The following UBE2W variants were observed in gnomAD, a reference collection of about 807,000 sequenced individuals.
UBE2W encodes the protein ubiquitin conjugating enzyme E2 W.
UBE2W carries 18 observed loss-of-function variants against 27.2 expected under a neutral mutation model. The ratio of observed to expected loss-of-function variants is 0.66; its 90% CI spans 0.46 to 0.98. The LOEUF (loss-of-function observed/expected upper bound fraction) is 0.98, where lower values mean the gene tolerates loss of function less well. Among genes scored for constraint, UBE2W ranks in the 50% least tolerant of loss-of-function variants. UBE2W has a pLI of 0.00. For synonymous variants in UBE2W, 53 were observed against 57.2 expected (o/e 0.93, Z 0.33); for missense variants, 90 against 180.2 (o/e 0.50, Z 2.87).
chr8:73,805,472 C>CAAAAAAAAAAACAAAAACAAAAAAAA lies in UBE2W; in HGVS notation c.442+178_442+179insTTTTTTTTGTTTTTGTTTTTTTTTTT. ...TCCATCTCAAAAAAAAAAAAAAAAACAAAAAAAACTAGGGTAATTCATCCA... is the reference window on the plus strand; with the variant it reads ...TCCATCTCAAAAAAAAAAAAAAAAACAAAAAAAAAAACAAAAACAAAAAAAAAAAAAAAACTAGGGTAATTCATCCA... On this transcript the variant is annotated intron_variant, in intron 5 of 5. Coordinates refer to ENST00000602593, the MANE Select transcript of UBE2W (RefSeq NM_018299.6). Among the ~76,000 whole-genome samples, 12 of 43,676 alleles carry CAAAAAAAAAAACAAAAACAAAAAAAA rather than the reference C, an allele frequency of 2.7e-4. 1 individual carries two copies. Among genetic ancestry groups the CAAAAAAAAAAACAAAAACAAAAAAAA allele is most frequent in the Non-Finnish European group, 5.5e-4 (11 of 20,124 alleles). The allele number at this position is 43,676 out of a possible 152,430, so 28.7% of individuals were successfully genotyped here. A position where few individuals can be genotyped will look rare whatever the true frequency, so the allele number is the denominator to read the frequency against.
At chr8:73,783,201 A>G (rs2130825807), downstream of UBE2W, among the ~76,000 whole-genome samples, 1 of 152,246 alleles carries the variant, frequency 6.6e-6, no homozygotes, top group Admixed American at 6.5e-5. Context: ...TCTTGTTTTC[A>G]TAGTTTGTCT....
intron 1 of UBE2W, among the ~76,000 whole-genome samples, chr8:73,851,200 T>C (rs1176617201): frequency 6.6e-6 from 1 of 151,944 alleles, no homozygotes; most frequent in Non-Finnish European, 1.5e-5. Context: ...TTATCTTTTT[T>C]TTTTTTTGAC....
At chr8:73,849,579 T>C (rs1373015809) in intron 1 of UBE2W, among the ~76,000 whole-genome samples, 1 of 60,270 alleles carries the variant, frequency 1.7e-5, no homozygotes, top group Non-Finnish European at 3.6e-5. Context: ...GTATGAAAAA[T>C]AGAATAAGAA....
rs115619025 is a variant in UBE2W, at chr8:73,878,411, C to A, written c.15+397G>T. Among the ~76,000 whole-genome samples, 1,167 of 152,352 alleles carry A rather than the reference C, an allele frequency of 7.7e-3. 20 individuals are homozygous for A. The highest frequency in any genetic ancestry group is 0.026 in the African/African-American group (1,092 of 41,580). On this transcript the variant is annotated intron_variant, in intron 1 of 5. Coordinates refer to ENST00000602593, the MANE Select transcript of UBE2W (RefSeq NM_018299.6). Reference sequence around the variant, plus strand: ...CCCGCCGCCCCTGCCCCGGCAACAACCGCGGGCGCAGCTGTTTCCGTCGGG... The same window carrying A: ...CCCGCCGCCCCTGCCCCGGCAACAAACGCGGGCGCAGCTGTTTCCGTCGGG...
Position 73,788,347 on chromosome 8 carries a change from C to G in UBE2W, c.*5755G>C. 1.0e-6 allele frequency: 1 copy of G among 985,378 alleles called. No homozygotes were observed. Among genetic ancestry groups the G allele is most frequent in the Non-Finnish European group, 1.2e-6 (1 of 829,914 alleles). The allele number at this position is 985,378 out of a possible 1,614,324, so 61.0% of individuals were successfully genotyped here. ...CCCTATTCAAATCCTCAAGCATGAGCTTTCATTCCTATTAATAAAATGCAC... is the reference window on the plus strand; with the variant it reads ...CCCTATTCAAATCCTCAAGCATGAGGTTTCATTCCTATTAATAAAATGCAC... On this transcript the variant is annotated 3_prime_UTR_variant, in exon 6 of 6. Coordinates refer to ENST00000602593, the MANE Select transcript of UBE2W (RefSeq NM_018299.6).
chr8:73,872,104 T>C (rs1812029723), intron 1 of UBE2W, among the ~76,000 whole-genome samples: 1 of 152,170 alleles, frequency 6.6e-6, no homozygotes. Context: ...AAACTCTCCT[T>C]GATAATGAAG....
intron 5 of UBE2W, among the ~76,000 whole-genome samples, 193 bp downstream of exon 5, chr8:73,805,458 A>AAAAAAACAAAAAAC (rs1808840589): frequency 7.5e-6 from 1 of 133,180 alleles, no homozygotes; most frequent in Non-Finnish European, 1.6e-5. Context: ...CCATCTCAAA[A>AAAAAAACAAAAAAC]AAAAAAAAAA....
At chr8:73,870,744 G>A (rs1811969872) in intron 1 of UBE2W, among the ~76,000 whole-genome samples, 1 of 151,076 alleles carries the variant, frequency 6.6e-6, no homozygotes, top group Admixed American at 6.6e-5. Flanking sequence ...TATTAGCGCT[G>A]GGATGGGAGA....
chr8:73,839,162 T>G (rs923579237), intron 1 of UBE2W, among the ~76,000 whole-genome samples: 1 of 152,118 alleles, frequency 6.6e-6, no homozygotes, highest in African/African-American at 2.4e-5. Context: ...ATGCCCATAT[T>G]TACATATTAG....
chr8:73,837,662 T>A (rs1810364403), intron 1 of UBE2W, among the ~76,000 whole-genome samples: 1 of 152,346 alleles, frequency 6.6e-6, no homozygotes, highest in African/African-American at 2.4e-5. Context: ...CTGTGCTGCC[T>A]GGCCTGGTCT....
Position 73,791,972 on chromosome 8 carries a change from A to T in UBE2W, c.*2130T>A. 1 of 985,286 alleles carries T rather than the reference A, an allele frequency of 1.0e-6. No individual in the cohort carries two copies. Among genetic ancestry groups the T allele is most frequent in the Non-Finnish European group, 1.2e-6 (1 of 829,802 alleles). 61.0% of individuals were successfully genotyped at this position (985,286 alleles called of 1,614,324 possible). A position where few individuals can be genotyped will look rare whatever the true frequency, so the allele number is the denominator to read the frequency against. Reference sequence around the variant, plus strand: ...TGTTAATCTTTGACTCAGTATATTAATTCCTTTGGTGAATAAATGTCACCG... The same window carrying T: ...TGTTAATCTTTGACTCAGTATATTATTTCCTTTGGTGAATAAATGTCACCG... On this transcript the variant is annotated 3_prime_UTR_variant, in exon 6 of 6. Transcript: ENST00000602593.
At chr8:73,859,377 G>A (rs1260611825) in intron 1 of UBE2W, among the ~76,000 whole-genome samples, 4 of 152,064 alleles carry the variant, frequency 2.6e-5, no homozygotes, top group African/African-American at 9.7e-5. Context: ...ATGGTGGCGC[G>A]AGCCTGTAAT....
chr8:73,784,927 C>G (rs540362954), downstream of UBE2W, among the ~76,000 whole-genome samples: 4 of 152,252 alleles, frequency 2.6e-5, no homozygotes, highest in African/African-American at 9.6e-5. Context: ...TTGCTGGGCT[C>G]ATCTCTCAGC....
At position 73,789,488 on chromosome 8, in the gene UBE2W, A is replaced by G. The variant is rs1326938503; in HGVS notation, c.*4614T>C. The G allele has an allele frequency of 1.3e-5, 2 of 152,180 alleles. No individual in the cohort carries two copies. The highest frequency in any genetic ancestry group is 2.9e-5 in the Non-Finnish European group (2 of 68,218). 9.4% of individuals were successfully genotyped at this position (152,180 alleles called of 1,614,324 possible). A position where few individuals can be genotyped will look rare whatever the true frequency, so the allele number is the denominator to read the frequency against. On this transcript the variant is annotated 3_prime_UTR_variant, in exon 6 of 6. Transcript: ENST00000602593. ...GGCAACAGAGGAAGACCGTCTCAAA[A>G]AACAAAAAACAACCCACACACAATT...
chr8:73,834,271 C>T (rs1414577790), intron 1 of UBE2W, among the ~76,000 whole-genome samples: 1 of 152,128 alleles, frequency 6.6e-6, no homozygotes, highest in Non-Finnish European at 1.5e-5. Flanking sequence ...TTTAAATTTG[C>T]TTAAATAATT....
chr8:73,864,265 A>G (rs1811650645), intron 1 of UBE2W, among the ~76,000 whole-genome samples: 2 of 152,194 alleles, frequency 1.3e-5, no homozygotes, highest in African/African-American at 4.8e-5. Flanking sequence ...ATGGTGGCAC[A>G]TGACTGTAAT....
At chr8:73,833,254 G>A (rs1289378984) in intron 1 of UBE2W, among the ~76,000 whole-genome samples, 2 of 139,790 alleles carry the variant, frequency 1.4e-5, no homozygotes, top group African/African-American at 5.9e-5. Flanking sequence ...TCACAGACAA[G>A]CTTTCCAGAG....
chr8:73,787,614 C>G lies in UBE2W; in HGVS notation c.*6488G>C. 1.0e-6 allele frequency: 1 copy of G among 985,392 alleles called. No individual in the cohort carries two copies. Among genetic ancestry groups the G allele is most frequent in the South Asian group, 4.7e-5 (1 of 21,286 alleles). 61.0% of individuals were successfully genotyped at this position (985,392 alleles called of 1,614,324 possible). A position where few individuals can be genotyped will look rare whatever the true frequency, so the allele number is the denominator to read the frequency against. On this transcript the variant is annotated 3_prime_UTR_variant, in exon 6 of 6. Coordinates refer to ENST00000602593, the MANE Select transcript of UBE2W (RefSeq NM_018299.6). ...TCCCCTGCAGAAAAGCTTAGAATTACCAGCAGAGCATATTTAATTCCTCCT... is the reference window on the plus strand; with the variant it reads ...TCCCCTGCAGAAAAGCTTAGAATTAGCAGCAGAGCATATTTAATTCCTCCT...
rs1398357423 is a variant in UBE2W at position 73,834,327 on chromosome 8, GTT to G, written c.16-3857_16-3856del. ...TTATGCAAATTTCTGTTTGAACAAG[GTT>G]TTAATTATTTTCTACTGATATTCAC... is the stretch of plus-strand genomic sequence containing the variant. On this transcript the variant is annotated intron_variant, in intron 1 of 5. Coordinates refer to ENST00000602593, the MANE Select transcript of UBE2W (RefSeq NM_018299.6). Among the ~76,000 whole-genome samples the G allele has an allele frequency of 2.0e-5, 3 of 152,224 alleles. No homozygotes were observed. The East Asian group carries it at 5.8e-4, about 29-fold the overall frequency.
Sources: allele counts gnomAD v4.1 joint callset (sites outside exome capture counted in the v4.1 genomes callset), GRCh38; gene constraint gnomAD v4.1.1; transcripts MANE v1.5; gene names NCBI Gene and HGNC (gene_info 2026-07-23, HGNC 2026-07-21).